The following TMC1 variants were observed in gnomAD, a reference collection of about 807,000 sequenced individuals.
TMC1 encodes transmembrane channel-like protein 1.
A neutral mutation model predicts 105.8 loss-of-function variants in TMC1; 84 were observed. The ratio of observed to expected loss-of-function variants is 0.79; its 90% CI spans 0.67 to 0.95. The LOEUF (loss-of-function observed/expected upper bound fraction) is 0.95. Ranked by LOEUF, TMC1 falls within the 40% of genes least tolerant of loss-of-function variation. The probability of loss-of-function intolerance (pLI) is 0.00; values close to 1 mark genes in which losing one functional copy is unlikely to be tolerated. For synonymous variants in TMC1, 315 were observed against 311.5 expected, an observed-to-expected ratio of 1.01 and a Z score of -0.12; for missense variants, 817 against 914.1, an observed-to-expected ratio of 0.89 and a Z score of 1.37.
chr9:72,646,673 C>A (rs776357961), intron 4 of TMC1, among the ~76,000 whole-genome samples: 1 of 151,544 alleles, frequency 6.6e-6, no homozygotes, highest in Non-Finnish European at 1.5e-5. Context: ...TCGCCCCGTC[C>A]TGCAGACTGG....
At chr9:72,801,580 G>C (rs995532231) in intron 17 of TMC1, among the ~76,000 whole-genome samples, 7 of 152,158 alleles carry the variant, frequency 4.6e-5, no homozygotes, top group Non-Finnish European at 7.4e-5. Flanking sequence ...CTTTTATGAT[G>C]TTCCTTGCCT....
intron 4 of TMC1, among the ~76,000 whole-genome samples, chr9:72,644,503 A>G (rs954424456): frequency 1.3e-5 from 2 of 152,034 alleles, no homozygotes; most frequent in Admixed American, 6.5e-5. Context: ...AGCACTATTT[A>G]TTGAAAAGAC....
At chr9:72,681,716 T>C (rs2132177253) in intron 5 of TMC1, among the ~76,000 whole-genome samples, 1 of 152,248 alleles carries the variant, frequency 6.6e-6, no homozygotes, top group South Asian at 2.1e-4. Context: ...ATAAAAAAGA[T>C]TTATTTCCAT....
intron 18 of TMC1, among the ~76,000 whole-genome samples, chr9:72,806,564 G>A (rs1828594534): frequency 6.7e-6 from 1 of 149,374 alleles, no homozygotes; most frequent in African/African-American, 2.5e-5. Context: ...GCCGGGCAGA[G>A]GGTCTCCTCA....
chr9:72,744,706 G>A (rs1225457324), intron 10 of TMC1, among the ~76,000 whole-genome samples: 2 of 152,142 alleles, frequency 1.3e-5, no homozygotes, highest in African/African-American at 2.4e-5. Context: ...CAAGAAATTT[G>A]TAATTAATGA....
chr9:72,693,119 CAAA>C (rs5898267), intron 6 of TMC1, among the ~76,000 whole-genome samples: 3 of 132,586 alleles, frequency 2.3e-5, no homozygotes, highest in Non-Finnish European at 1.6e-5. Context: ...AATTGTGTCT[CAAA>C]AAAAAAAAAA....
intron 1 of TMC1, among the ~76,000 whole-genome samples, chr9:72,551,263 A>G (rs1823856376): frequency 1.3e-5 from 2 of 152,220 alleles, no homozygotes; most frequent in Admixed American, 6.5e-5. Context: ...AAACCACTAC[A>G]TTTTTGGTAA....
At chr9:72,535,905 G>A (rs984459673) in intron 1 of TMC1, among the ~76,000 whole-genome samples, 1 of 152,124 alleles carries the variant, frequency 6.6e-6, no homozygotes, top group Non-Finnish European at 1.5e-5. Flanking sequence ...TACAGGGAGG[G>A]CATTAATTTA....
chr9:72,644,103 A>AT (rs773611461), intron 4 of TMC1, among the ~76,000 whole-genome samples: 6 of 152,024 alleles, frequency 3.9e-5, no homozygotes, highest in African/African-American at 1.2e-4. Context: ...TAATTGATAC[A>AT]TTTTTTATTG....
intron 17 of TMC1, among the ~76,000 whole-genome samples, chr9:72,801,579 T>A (rs1312092230): frequency 6.6e-6 from 1 of 152,246 alleles, no homozygotes; most frequent in Non-Finnish European, 1.5e-5. Flanking sequence ...CCTTTTATGA[T>A]GTTCCTTGCC....
In TMC1 at chr9:72,753,401, T is replaced by C. The variant is rs189434211; in HGVS notation, c.643-1385T>C. On this transcript the variant is annotated intron_variant, in intron 11 of 23. Transcript: ENST00000297784. ...TCAGATGCAGGTATAAATGGAGTTT[T>C]ATCAGCAGCATTTATTCTTTCCCCC... 2.0e-5 allele frequency among the ~76,000 whole-genome samples: 3 copies of C among 151,914 alleles called. No homozygotes were observed. In the East Asian group the frequency reaches 5.8e-4, roughly 29 times the overall value.
intron 5 of TMC1, among the ~76,000 whole-genome samples, chr9:72,682,120 A>T (rs1826297482): frequency 2.0e-5 from 3 of 152,172 alleles, no homozygotes; most frequent in African/African-American, 7.2e-5. Context: ...AGAGATTGAA[A>T]ATAACTATTT....
chr9:72,605,211 T>C (rs1262062931), intron 2 of TMC1, among the ~76,000 whole-genome samples: 2 of 152,214 alleles, frequency 1.3e-5, no homozygotes, highest in Admixed American at 6.5e-5. Flanking sequence ...TGAGGGGTTA[T>C]CATTTATCTA....
At chr9:72,660,452 C>G (rs527351310) in intron 5 of TMC1, among the ~76,000 whole-genome samples, 2 of 152,164 alleles carry the variant, frequency 1.3e-5, no homozygotes, top group Admixed American at 1.3e-4. Context: ...AAAAAAATAA[C>G]CTTTTATTTT....
intron 13 of TMC1, among the ~76,000 whole-genome samples, chr9:72,781,259 T>C (rs1322545341): frequency 6.6e-6 from 1 of 152,172 alleles, no homozygotes; most frequent in Non-Finnish European, 1.5e-5. Flanking sequence ...TAAGAAATTA[T>C]TTGAAACTAG....
At chr9:72,575,111 A>G (rs1824357190) in intron 1 of TMC1, among the ~76,000 whole-genome samples, 2 of 152,292 alleles carry the variant, frequency 1.3e-5, no homozygotes, top group Non-Finnish European at 2.9e-5. Context: ...GACAAATAAT[A>G]AGATGCTTGT....
chr9:72,725,659 G>A (rs1369107363), intron 8 of TMC1, among the ~76,000 whole-genome samples: 1 of 151,706 alleles, frequency 6.6e-6, no homozygotes, highest in East Asian at 2.0e-4. Flanking sequence ...GGGTGCATCT[G>A]CCTTCCCCAG....
chr9:72,792,549 A>G (rs922869492), intron 17 of TMC1, among the ~76,000 whole-genome samples, 197 bp downstream of exon 17: 5 of 152,204 alleles, frequency 3.3e-5, no homozygotes, highest in African/African-American at 1.2e-4. Context: ...TGAGGTAAAT[A>G]CTATTTGTAT....
At chr9:72,732,061 A>T (rs546618021) in intron 8 of TMC1, among the ~76,000 whole-genome samples, 1 of 152,362 alleles carries the variant, frequency 6.6e-6, no homozygotes, top group East Asian at 1.9e-4. Context: ...GCCTTAAAAT[A>T]AACAAAATTT....
Sources: allele counts gnomAD v4.1 joint callset (sites outside exome capture counted in the v4.1 genomes callset), GRCh38; gene constraint gnomAD v4.1.1; transcripts MANE v1.5; gene names NCBI Gene and HGNC (gene_info 2026-07-23, HGNC 2026-07-21).